The following MYH15 variants were observed in gnomAD, a reference collection of about 807,000 sequenced individuals.
MYH15 encodes the protein myosin heavy chain 15, also known as myosin-15.
MYH15 carries 227 observed loss-of-function variants against 240.5 expected under a neutral mutation model. That is an observed-to-expected ratio of 0.94 (90% CI 0.85 to 1.05). The LOEUF (loss-of-function observed/expected upper bound fraction) is 1.05. Among genes scored for constraint, MYH15 ranks in the 50% least tolerant of loss-of-function variants. The probability of loss-of-function intolerance (pLI) is 0.00; values close to 1 mark genes in which losing one functional copy is unlikely to be tolerated. For missense variants in MYH15, 2,217 were observed against 2,247.5 expected (o/e 0.99, Z 0.27); for synonymous variants, 785 against 796.7 (o/e 0.99, Z 0.25).
At chr3:108,508,470 G>C (rs937874782) in intron 1 of MYH15, among the ~76,000 whole-genome samples, 3 of 152,172 alleles carry the variant, frequency 2.0e-5, no homozygotes, top group African/African-American at 7.2e-5. Flanking sequence ...AAAGCCACAT[G>C]ACTTCATCTC....
the MYH15 span, among the ~76,000 whole-genome samples, chr3:108,545,424 C>A: frequency 6.6e-6 from 1 of 152,158 alleles, no homozygotes; most frequent in Non-Finnish European, 1.5e-5. Context: ...GGGAGATAAA[C>A]CATTATTGAA....
At chr3:108,388,568 T>C (rs1329759159) in intron 38 of MYH15, among the ~76,000 whole-genome samples, 4 of 152,116 alleles carry the variant, frequency 2.6e-5, no homozygotes, top group Admixed American at 1.3e-4. Context: ...CCCGCTGCAA[T>C]TGAATCAGCA....
At chr3:108,530,012 C>A (rs747262411), upstream of MYH15, among the ~76,000 whole-genome samples, 1 of 152,094 alleles carries the variant, frequency 6.6e-6, no homozygotes, top group African/African-American at 2.4e-5. Flanking sequence ...AAAGGACCAC[C>A]CAAATAAATT....
intron 36 of MYH15, 51 bp from the exon 37 acceptor site, chr3:108,391,981 AACATT>A (rs2082425917): frequency 1.3e-6 from 2 of 1,586,462 alleles, no homozygotes; most frequent in African/African-American, 2.7e-5. Flanking sequence ...AATTGATCTT[AACATT>A]TTTACCCATG....
chr3:108,439,597 C>T (rs892378675), intron 24 of MYH15, 140 bp downstream of exon 24: 2 of 740,996 alleles, frequency 2.7e-6, no homozygotes, highest in African/African-American at 3.5e-5. Context: ...GAAAAAGAAC[C>T]CTTTTATTCT....
rs146978429 is a variant in MYH15 at position 108,415,577 on chromosome 3, C to T, written c.3949-1149G>A. On this transcript the variant is annotated intron_variant, in intron 29 of 40. Transcript: ENST00000693548. ...AGCCCAAAAGAAATAAGGGGATACA[C>T]AAAATACACAGGCAAATACATTAAT... Among the ~76,000 whole-genome samples, 358 of 152,202 alleles carry T rather than the reference C, an allele frequency of 2.4e-3. 1 individual carries two copies. The highest frequency in any genetic ancestry group is 0.017 in the South Asian group (83 of 4,820).
At chr3:108,436,839 T>C (rs1385578926) in intron 25 of MYH15, among the ~76,000 whole-genome samples, 1 of 152,100 alleles carries the variant, frequency 6.6e-6, no homozygotes, top group East Asian at 1.9e-4. Flanking sequence ...TTCTCTTATT[T>C]GGTATAATCT....
chr3:108,390,670 A>G (rs12493483), intron 37 of MYH15, among the ~76,000 whole-genome samples: 7,788 of 152,252 alleles, frequency 0.051, 755 homozygotes, highest in East Asian at 0.43. Flanking sequence ...ATTATGTTTA[A>G]AAGTCACTGA....
upstream of MYH15, among the ~76,000 whole-genome samples, chr3:108,533,017 G>T (rs1009331412): frequency 1.3e-5 from 2 of 151,466 alleles, no homozygotes; most frequent in Non-Finnish European, 2.9e-5. Context: ...ATGGGCCAGG[G>T]TCCTTATTTA....
chr3:108,413,060 T>C (rs1560334058), intron 30 of MYH15, among the ~76,000 whole-genome samples: 1 of 152,352 alleles, frequency 6.6e-6, no homozygotes, highest in East Asian at 1.9e-4. Flanking sequence ...AAGTAATCTA[T>C]ATTCTTTTGC....
In MYH15 at chr3:108,430,556, G is replaced by A. The variant is rs567764312; in HGVS notation, c.3312+276C>T. ...CTCAATCGTTGCCAGAAGGATTCAT[G>A]AGTGAAAAAACAAGTTTTGGATTTT... On this transcript the variant is annotated intron_variant, in intron 26 of 40. Transcript: ENST00000693548. Among the ~76,000 whole-genome samples, 6 of 152,308 alleles carry A rather than the reference G, an allele frequency of 3.9e-5. No homozygotes were observed. In the South Asian group the frequency reaches 8.3e-4, roughly 21 times the overall value.
At chr3:108,536,256 C>CT in the MYH15 span, among the ~76,000 whole-genome samples, 2 of 151,738 alleles carry the variant, frequency 1.3e-5, no homozygotes, top group Non-Finnish European at 2.9e-5. Flanking sequence ...CAGAGTGAGA[C>CT]TTTACCTCAA....
chr3:108,410,471 A>G, intron 31 of MYH15, 112 bp downstream of exon 31: 1 of 673,500 alleles, frequency 1.5e-6, no homozygotes, highest in Non-Finnish European at 2.3e-6. Flanking sequence ...ATAAAAATTG[A>G]AAAGTTAAAA....
At chr3:108,432,411 C>G (rs946418364) in intron 25 of MYH15, among the ~76,000 whole-genome samples, 1 of 151,154 alleles carries the variant, frequency 6.6e-6, no homozygotes, top group Non-Finnish European at 1.5e-5. Flanking sequence ...AATTTGCAGC[C>G]TGACAGTGTG....
At chr3:108,470,301 C>A (rs2083161512) in intron 13 of MYH15, 89 bp from the exon 14 acceptor site, 2 of 925,636 alleles carry the variant, frequency 2.2e-6, no homozygotes, top group Non-Finnish European at 3.2e-6. Flanking sequence ...AAACCATAAC[C>A]ATTATTATAT....
chr3:108,509,511 G>A (rs907443088), intron 1 of MYH15, among the ~76,000 whole-genome samples: 2 of 152,144 alleles, frequency 1.3e-5, no homozygotes, highest in African/African-American at 2.4e-5. Context: ...TGGAAACTGG[G>A]AACTGATCCA....
the MYH15 span, among the ~76,000 whole-genome samples, chr3:108,542,946 T>C: frequency 0.14 from 21,216 of 149,634 alleles, 1,764 homozygotes; most frequent in East Asian, 0.35. Context: ...AGTGGCACGA[T>C]CTCAGCTCAC....
At chr3:108,506,992 T>C (rs920232788) in intron 1 of MYH15, among the ~76,000 whole-genome samples, 8 of 151,688 alleles carry the variant, frequency 5.3e-5, no homozygotes, top group Non-Finnish European at 1.2e-4. Context: ...GATCGTGCCA[T>C]TGCACTCCAG....
At chr3:108,387,386 C>G (rs2082391464) in intron 38 of MYH15, among the ~76,000 whole-genome samples, 1 of 152,124 alleles carries the variant, frequency 6.6e-6, no homozygotes, top group Non-Finnish European at 1.5e-5. Flanking sequence ...GAAAATAGGC[C>G]TATCTAAGCA....
Sources: gnomAD v4.1 joint callset for allele counts (sites outside exome capture counted in the v4.1 genomes callset) on GRCh38, gnomAD v4.1.1 for gene constraint, MANE v1.5 for transcripts, NCBI Gene and HGNC (gene_info 2026-07-23, HGNC 2026-07-21) for gene names.